Variants in MTRR observed in about 807,000 individuals in gnomAD.
MTRR encodes the protein methionine synthase reductase.
A neutral mutation model predicts 79.2 loss-of-function variants in MTRR; 63 were observed. The ratio of observed to expected loss-of-function variants is 0.80; its 90% CI spans 0.65 to 0.98. The LOEUF is 0.98. Among genes scored for constraint, MTRR ranks in the 50% least tolerant of loss-of-function variants. The pLI is 0.00. For synonymous variants in MTRR, 355 were observed against 313.3 expected (o/e 1.13, Z -1.41); for missense variants, 895 against 839.6 (o/e 1.07, Z -0.82).
At chr5:7,870,108 G>C (rs1308207664) in intron 1 of MTRR, 1 of 981,500 alleles carries the variant, frequency 1.0e-6, no homozygotes, top group African/African-American at 1.8e-5. Context: ...AAACGTGTTA[G>C]TAAAATGTTT....
chr5:7,864,947 T>C (rs1021774238), upstream of MTRR, among the ~76,000 whole-genome samples: 5 of 152,130 alleles, frequency 3.3e-5, no homozygotes, highest in East Asian at 1.9e-4. Flanking sequence ...GCATTCCCGA[T>C]AGAGACAAAA....
Position 7,869,342 on chromosome 5 carries a change from TC to T in MTRR, c.-26+129del, listed in dbSNP as rs34828626. On this transcript the variant is annotated intron_variant, in intron 1 of 14. Transcript: ENST00000440940. ...CCCGTGGTTCCCACGCCCTTCGGCC[TC>T]CGGGGGTCGCCGCGGGCGCGGGCTG... 315,814 of 1,099,510 alleles carry T rather than the reference TC, an allele frequency of 0.29. 49,905 individuals carry two copies. Among genetic ancestry groups the T allele is most frequent in the Non-Finnish European group, 0.32 (243,155 of 759,970 alleles). The allele number at this position is 1,099,510 out of a possible 1,614,324, so 68.1% of individuals were successfully genotyped here.
upstream of MTRR, chr5:7,867,214 G>A (rs76873746): frequency 8.9e-3 from 14,295 of 1,614,132 alleles, 80 homozygotes; most frequent in Non-Finnish European, 0.011. Context: ...TAGGACTCAG[G>A]TTGGAAACTA....
chr5:7,855,471 T>C (rs770274229), intron 1 of MTRR, among the ~76,000 whole-genome samples: 14 of 151,160 alleles, frequency 9.3e-5, no homozygotes, highest in Non-Finnish European at 1.9e-4. Context: ...ATTGGAAAAT[T>C]ATGGTAATTT....
Position 7,871,150 on chromosome 5 carries a change from CCTT to C in MTRR, c.129+228_129+230del, listed in dbSNP as rs2308000. Among the ~76,000 whole-genome samples the C allele has an allele frequency of 0.56, 84,748 of 151,704 alleles. 24,800 individuals are homozygous for C. The highest frequency in any genetic ancestry group is 0.74 in the African/African-American group (30,501 of 41,342). ...TCAAAAATTGAAACAAGTAACAACT[CCTT>C]AACTGTAAATGACAGAAGTAGCATA... On this transcript the variant is annotated intron_variant, in intron 2 of 14. Transcript: ENST00000440940.
intron 1 of MTRR, chr5:7,859,377 A>C: frequency 9.5e-7 from 1 of 1,055,862 alleles, no homozygotes; most frequent in Non-Finnish European, 1.4e-6. Context: ...TTTTTCTTTT[A>C]ATACTGAGTT....
chr5:7,881,012 A>G (rs1735490478), intron 5 of MTRR, among the ~76,000 whole-genome samples: 2 of 152,270 alleles, frequency 1.3e-5, no homozygotes, highest in African/African-American at 4.8e-5. Context: ...CCCTCCTCCT[A>G]GGGACCTCTT....
chr5:7,851,210 G>GGGA, exon 1 of MTRR: 1 of 563,180 alleles, frequency 1.8e-6, no homozygotes, highest in Non-Finnish European at 2.6e-6. Context: ...AGGGTGGAGC[G>GGGA]ACCCTCCCCT....
intron 1 of MTRR, chr5:7,869,850 T>C (rs1747596231): frequency 6.1e-6 from 1 of 165,230 alleles, no homozygotes; most frequent in African/African-American, 2.4e-5. Flanking sequence ...TTTCCACCGT[T>C]TTCTGTGAGC....
At chr5:7,889,675 C>G in intron 9 of MTRR, among the ~76,000 whole-genome samples, 1 of 152,052 alleles carries the variant, frequency 6.6e-6, no homozygotes, top group East Asian at 1.9e-4. Flanking sequence ...ATAAAATTTT[C>G]TTTTTCAAAG....
upstream of MTRR, chr5:7,867,070 C>T: frequency 6.2e-7 from 1 of 1,614,118 alleles, no homozygotes; most frequent in Non-Finnish European, 8.5e-7. Flanking sequence ...TGAACGCCTC[C>T]AAGACTCTCC....
chr5:7,852,740 GTT>G lies in MTRR; in HGVS notation n.391+1166_391+1167del, dbSNP rs34596253. Among the ~76,000 whole-genome samples, 408 of 148,874 alleles carry G rather than the reference GTT, an allele frequency of 2.7e-3. 4 individuals carry two copies. The highest frequency in any genetic ancestry group is 9.2e-3 in the African/African-American group (374 of 40,536). On this transcript the variant is annotated intron_variant and non_coding_transcript_variant, in intron 1 of 3. Coordinates refer to the MTRR transcript ENST00000502509. ...CCTCATTAAAGCAGCAGCCAAATAT[GTT>G]TTTTTTTTTTAAGCCCTTATAATCT...
At position 7,896,960 on chromosome 5, in the gene MTRR, T is replaced by C; in HGVS notation, c.1769+4T>C. Reference sequence around the variant, plus strand: ...AGGATAGGGATTATCTATTCAGGTATTGTACAATTCCAGTATTGTACTCAA... The same window carrying C: ...AGGATAGGGATTATCTATTCAGGTACTGTACAATTCCAGTATTGTACTCAA... On this transcript the variant is annotated splice_donor_region_variant and intron_variant, in intron 13 of 14. Transcript: ENST00000440940. 1.2e-6 allele frequency: 2 copies of C among 1,613,778 alleles called. No homozygotes were observed. The highest frequency in any genetic ancestry group is 2.7e-5 in the African/African-American group (2 of 75,048).
chr5:7,863,088 A>G, intron 2 of MTRR: 6 of 1,100,512 alleles, frequency 5.5e-6, no homozygotes, highest in South Asian at 2.7e-5. Flanking sequence ...AAAGTTTGAT[A>G]TAACATTACT....
Position 7,878,238 on chromosome 5 carries a change from A to AC in MTRR, c.701dup (p.Leu235ThrfsTer54), listed in dbSNP as rs767610650. On this transcript the variant is annotated frameshift_variant, in exon 5 of 15. Coordinates refer to ENST00000440940, the MANE Select transcript of MTRR (RefSeq NM_002454.3). LOFTEE classifies it high-confidence loss of function. Reference sequence around the variant, plus strand: ...TTGAGTCCTCACTTACCCGTTCGGTACCCCCACTCTCACAAGCCTCTCTGA... The same window carrying AC: ...TTGAGTCCTCACTTACCCGTTCGGTACCCCCCACTCTCACAAGCCTCTCTGA... 2 of 1,613,902 alleles carry AC rather than the reference A, an allele frequency of 1.2e-6. No homozygotes were observed. Among genetic ancestry groups the AC allele is most frequent in the African/African-American group, 1.3e-5 (1 of 74,880 alleles).
intron 6 of MTRR, 85 bp downstream of exon 6, chr5:7,883,362 A>G (rs905697683): frequency 6.4e-6 from 10 of 1,569,114 alleles, no homozygotes; most frequent in Non-Finnish European, 8.7e-6. Context: ...ATATATGCTG[A>G]GTGGTGTGCT....
At chr5:7,865,893 T>G, upstream of MTRR, 1 of 1,611,544 alleles carries the variant, frequency 6.2e-7, no homozygotes, top group Non-Finnish European at 8.5e-7. Flanking sequence ...AGTTCATGCT[T>G]TTACCTTATA....
chr5:7,882,098 C>T (rs62342527), intron 5 of MTRR, among the ~76,000 whole-genome samples: 21,387 of 152,230 alleles, frequency 0.14, 1,922 homozygotes, highest in Non-Finnish European at 0.2. Context: ...TTGACAGCAT[C>T]ATCTTTGGGC....
intron 1 of MTRR, chr5:7,869,860 C>A: frequency 6.0e-6 from 1 of 168,016 alleles, no homozygotes; most frequent in Non-Finnish European, 1.2e-5. Flanking sequence ...TTTCTGTGAG[C>A]TGTCAATGTG....
Sources: allele counts gnomAD v4.1 joint callset (sites outside exome capture counted in the v4.1 genomes callset), GRCh38; gene constraint gnomAD v4.1.1; transcripts MANE v1.5; gene names NCBI Gene and HGNC (gene_info 2026-07-23, HGNC 2026-07-21).